The following KHDRBS2 variants were observed in gnomAD, a reference collection of about 807,000 sequenced individuals.
KHDRBS2 encodes KH domain-containing, RNA-binding, signal transduction-associated protein 2.
In KHDRBS2, 26 loss-of-function variants were observed where a neutral mutation model predicts 44.3. The ratio of observed to expected loss-of-function variants is 0.59; its 90% CI spans 0.43 to 0.81. KHDRBS2 has a LOEUF of 0.81. KHDRBS2 is among the 40% of genes least tolerant of loss of function. KHDRBS2 has a pLI of 0.00. For synonymous variants in KHDRBS2, 194 were observed against 151.1 expected, an observed-to-expected ratio of 1.28 and a Z score of -2.08; for missense variants, 476 against 433.1, an observed-to-expected ratio of 1.10 and a Z score of -0.88.
intron 6 of KHDRBS2, among the ~76,000 whole-genome samples, chr6:61,735,474 T>C (rs1187906288): frequency 6.6e-6 from 1 of 152,172 alleles, no homozygotes; most frequent in Non-Finnish European, 1.5e-5. Flanking sequence ...TTTGTAGCTA[T>C]TTTAATCTTG....
chr6:61,660,221 C>T, the KHDRBS2 span, among the ~76,000 whole-genome samples: 1,450 of 151,778 alleles, frequency 9.6e-3, 20 homozygotes, highest in African/African-American at 0.033. Context: ...GGAGAATTTA[C>T]GTGGAACTCT....
At chr6:61,672,517 G>T in the KHDRBS2 span, among the ~76,000 whole-genome samples, 13 of 150,670 alleles carry the variant, frequency 8.6e-5, no homozygotes, top group African/African-American at 3.2e-4. Context: ...GTAGTTTCCT[G>T]ACTTTTCAAT....
At chr6:61,565,416 A>T in the KHDRBS2 span, among the ~76,000 whole-genome samples, 2 of 152,262 alleles carry the variant, frequency 1.3e-5, no homozygotes, top group African/African-American at 4.8e-5. Context: ...GAAGTATTCA[A>T]CTGACAAGGG....
At chr6:62,061,831 C>T (rs946728930) in intron 2 of KHDRBS2, among the ~76,000 whole-genome samples, 10 of 148,332 alleles carry the variant, frequency 6.7e-5, no homozygotes, top group Non-Finnish European at 1.2e-4. Context: ...TAGATTTGGT[C>T]TTTTCACATA....
At chr6:61,835,350 T>C (rs940154591) in intron 6 of KHDRBS2, among the ~76,000 whole-genome samples, 1 of 152,036 alleles carries the variant, frequency 6.6e-6, no homozygotes, top group Admixed American at 6.6e-5. Flanking sequence ...GAAAAGAGTA[T>C]ATGAGTAAGT....
the KHDRBS2 span, among the ~76,000 whole-genome samples, chr6:61,552,110 G>A: frequency 6.6e-6 from 1 of 151,882 alleles, no homozygotes; most frequent in Admixed American, 6.6e-5. Context: ...TTTGGTAAAT[G>A]GCCATTTTAA....
chr6:61,724,998 G>A (rs1773322830), intron 7 of KHDRBS2, among the ~76,000 whole-genome samples: 1 of 151,968 alleles, frequency 6.6e-6, no homozygotes, highest in Admixed American at 6.6e-5. Flanking sequence ...CCCAAAACAA[G>A]AGCATATACA....
chr6:61,852,329 G>A (rs1310349434), intron 6 of KHDRBS2, among the ~76,000 whole-genome samples: 1 of 152,028 alleles, frequency 6.6e-6, no homozygotes, highest in Non-Finnish European at 1.5e-5. Flanking sequence ...ACATTGGGAA[G>A]CCAAGGCGGG....
chr6:61,682,726 G>A (rs1033557284), intron 8 of KHDRBS2, among the ~76,000 whole-genome samples: 2 of 151,806 alleles, frequency 1.3e-5, no homozygotes, highest in Non-Finnish European at 2.9e-5. Context: ...AAATGCAGAT[G>A]TTGGTCTTTC....
intron 3 of KHDRBS2, among the ~76,000 whole-genome samples, chr6:61,991,350 G>A (rs1190252741): frequency 2.6e-5 from 4 of 152,140 alleles, no homozygotes; most frequent in Admixed American, 2.0e-4. Context: ...TATGTAGCAC[G>A]CTGAGTCTTA....
At chr6:62,199,111 A>G (rs1044925563) in intron 1 of KHDRBS2, among the ~76,000 whole-genome samples, 2 of 152,212 alleles carry the variant, frequency 1.3e-5, no homozygotes, top group African/African-American at 4.8e-5. Flanking sequence ...GCTGTCTATG[A>G]CAGACCCACA....
chr6:61,588,845 A>C, the KHDRBS2 span, among the ~76,000 whole-genome samples: 1 of 152,180 alleles, frequency 6.6e-6, no homozygotes, highest in East Asian at 1.9e-4. Flanking sequence ...GACTCGATAA[A>C]GAAAATGTGG....
intron 6 of KHDRBS2, among the ~76,000 whole-genome samples, chr6:61,822,558 C>A (rs529995754): frequency 6.6e-6 from 1 of 152,090 alleles, no homozygotes; most frequent in South Asian, 2.1e-4. Flanking sequence ...CTCATTCTAG[C>A]ATACTTAAAA....
chr6:61,950,799 T>C (rs765141799), intron 4 of KHDRBS2, among the ~76,000 whole-genome samples: 1 of 152,024 alleles, frequency 6.6e-6, no homozygotes, highest in African/African-American at 2.4e-5. Flanking sequence ...TTTGTGTGGT[T>C]GTATTTCTTT....
chr6:62,092,987 A>C (rs1799764221), intron 2 of KHDRBS2, among the ~76,000 whole-genome samples: 1 of 152,050 alleles, frequency 6.6e-6, no homozygotes, highest in Non-Finnish European at 1.5e-5. Flanking sequence ...TTATGGTTTT[A>C]TTTAATACTG....
intron 6 of KHDRBS2, among the ~76,000 whole-genome samples, chr6:61,776,993 A>T (rs1433020239): frequency 6.6e-6 from 1 of 152,198 alleles, no homozygotes; most frequent in South Asian, 2.1e-4. Context: ...TTGTAGGGAC[A>T]TGGACGAAAC....
intron 4 of KHDRBS2, among the ~76,000 whole-genome samples, chr6:61,975,400 T>C (rs1484223024): frequency 6.6e-6 from 1 of 152,172 alleles, no homozygotes; most frequent in East Asian, 1.9e-4. Flanking sequence ...TTAGCATTTC[T>C]GTGGGCTTTA....
chr6:61,644,279 C>T, the KHDRBS2 span, among the ~76,000 whole-genome samples: 1 of 152,114 alleles, frequency 6.6e-6, no homozygotes, highest in African/African-American at 2.4e-5. Context: ...GGACCCCTTT[C>T]TTACACCATA....
intron 2 of KHDRBS2, among the ~76,000 whole-genome samples, chr6:62,117,029 C>A (rs1806413386): frequency 6.6e-6 from 1 of 152,142 alleles, no homozygotes; most frequent in South Asian, 2.1e-4. Context: ...AATTACATAT[C>A]TTGGCTATTG....
Sources: allele counts gnomAD v4.1 joint callset (sites outside exome capture counted in the v4.1 genomes callset), GRCh38; gene constraint gnomAD v4.1.1; transcripts MANE v1.5; gene names NCBI Gene and HGNC (gene_info 2026-07-23, HGNC 2026-07-21).